The following NTRK3 variants were observed in gnomAD, a reference collection of about 807,000 sequenced individuals.
NTRK3 encodes the protein NT-3 growth factor receptor.
Under a neutral mutation model 91.7 loss-of-function variants are expected in NTRK3, and 24 were observed. That is an observed-to-expected ratio of 0.26 (90% confidence interval 0.19 to 0.37). NTRK3 has a LOEUF of 0.37. NTRK3 is among the 10% of genes least tolerant of loss of function. NTRK3 has a pLI of 1.00. For missense variants in NTRK3, 880 were observed against 1,068.9 expected, an observed-to-expected ratio of 0.82 and a Z score of 2.46; for synonymous variants, 483 against 404.0, an observed-to-expected ratio of 1.20 and a Z score of -2.34.
chr15:88,224,838 C>T (rs1334515197), intron 3 of NTRK3, among the ~76,000 whole-genome samples: 2 of 152,180 alleles, frequency 1.3e-5, no homozygotes, highest in East Asian at 3.9e-4. Flanking sequence ...CACATGGAGG[C>T]AGGCAGAGTG....
chr15:88,062,776 C>T (rs571009262), intron 13 of NTRK3, among the ~76,000 whole-genome samples: 2 of 152,332 alleles, frequency 1.3e-5, no homozygotes, highest in South Asian at 2.1e-4. Flanking sequence ...TCTGTCATTG[C>T]TTCCATTACT....
In NTRK3 at chr15:88,042,504, G is replaced by T. The variant is rs1178603259; in HGVS notation, c.1397-9459C>A. The stretch of plus-strand genomic sequence containing the variant: ...TCCTGCAGGCAGCACAGCAAGGCCT[G>T]CCCTCCGCACTTCTCCGCTCCTCTC... On this transcript the variant is annotated intron_variant, in intron 13 of 18. Coordinates refer to ENST00000394480, the Ensembl canonical transcript of NTRK3. Among the ~76,000 whole-genome samples, 8 of 152,164 alleles carry T rather than the reference G, an allele frequency of 5.3e-5. No homozygotes were observed. In the East Asian group the frequency reaches 1.5e-3, roughly 29 times the overall value.
At chr15:88,042,425 C>G (rs12594253) in intron 13 of NTRK3, among the ~76,000 whole-genome samples, 22,766 of 152,142 alleles carry the variant, frequency 0.15, 2,449 homozygotes, top group African/African-American at 0.31. Context: ...CCCTCTCTGC[C>G]TCCTCCGGCT....
intron 5 of NTRK3, among the ~76,000 whole-genome samples, chr15:88,155,418 C>A (rs1008874216): frequency 2.0e-5 from 3 of 151,942 alleles, no homozygotes; most frequent in African/African-American, 7.3e-5. Context: ...AAATGCTGAC[C>A]TCCCTACACT....
chr15:87,933,329 T>A, intron 15 of NTRK3, 145 bp from the exon 16 acceptor site: 1 of 798,774 alleles, frequency 1.3e-6, no homozygotes, highest in East Asian at 2.7e-5. Flanking sequence ...TGAAGCTCAA[T>A]CTCAACTATA....
intron 14 of NTRK3, among the ~76,000 whole-genome samples, chr15:88,016,856 A>T (rs1178116921): frequency 6.8e-6 from 1 of 146,568 alleles, no homozygotes; most frequent in African/African-American, 2.5e-5. Flanking sequence ...TTCTCTGGGG[A>T]TATTTTTTTT....
intron 13 of NTRK3, among the ~76,000 whole-genome samples, chr15:88,050,072 T>C (rs2080668689): frequency 2.0e-5 from 3 of 152,234 alleles, no homozygotes; most frequent in Non-Finnish European, 4.4e-5. Context: ...AGGCATTCAT[T>C]AAACCAACAA....
exon 19 of NTRK3, chr15:87,873,893 G>A (rs1203439568): frequency 4.3e-6 from 1 of 230,672 alleles, no homozygotes; most frequent in Non-Finnish European, 8.6e-6. Flanking sequence ...CCCAGGCCCA[G>A]TGAGCCTTCA....
chr15:87,989,521 A>G (rs534438694), intron 14 of NTRK3, among the ~76,000 whole-genome samples: 6 of 152,234 alleles, frequency 3.9e-5, no homozygotes, highest in Non-Finnish European at 7.4e-5. Context: ...GGGGAGGGGG[A>G]GGAATAGCAT....
At chr15:87,907,907 G>C (rs990440792) in intron 17 of NTRK3, among the ~76,000 whole-genome samples, 1 of 152,126 alleles carries the variant, frequency 6.6e-6, no homozygotes, top group Non-Finnish European at 1.5e-5. Context: ...TGCAAGCACT[G>C]GGGGATCTGA....
At chr15:88,150,009 T>C (rs2043227643) in intron 5 of NTRK3, among the ~76,000 whole-genome samples, 1 of 152,138 alleles carries the variant, frequency 6.6e-6, no homozygotes, top group Non-Finnish European at 1.5e-5. Flanking sequence ...AAGATGTCCG[T>C]CCCCTGCCTT....
chr15:88,075,382 T>C (rs544107112), intron 13 of NTRK3, among the ~76,000 whole-genome samples: 41 of 152,292 alleles, frequency 2.7e-4, no homozygotes, highest in African/African-American at 9.4e-4. Context: ...AAAGTTATTA[T>C]TCAGTCAGTA....
intron 14 of NTRK3, among the ~76,000 whole-genome samples, chr15:88,025,193 A>C (rs1050791004): frequency 6.6e-6 from 1 of 152,226 alleles, no homozygotes; most frequent in Non-Finnish European, 1.5e-5. Context: ...ACTTGGTATA[A>C]CCATTCACTT....
intron 14 of NTRK3, among the ~76,000 whole-genome samples, chr15:88,002,497 C>G (rs977891526): frequency 1.1e-4 from 17 of 152,076 alleles, no homozygotes; most frequent in African/African-American, 3.9e-4. Flanking sequence ...ATATATCTAA[C>G]TAACACCAAA....
chr15:88,201,364 G>A (rs1597916814), intron 3 of NTRK3, among the ~76,000 whole-genome samples: 2 of 152,174 alleles, frequency 1.3e-5, no homozygotes, highest in African/African-American at 4.8e-5. Flanking sequence ...CCACCCACGG[G>A]TCTCATGGGT....
rs182884468 is a variant in NTRK3, at chr15:87,989,695, C to T, written c.1585+43162G>A. 2.1e-3 allele frequency among the ~76,000 whole-genome samples: 315 copies of T among 149,096 alleles called. 3 individuals are homozygous for T. The highest frequency in any genetic ancestry group is 2.4e-4 in the Non-Finnish European group (16 of 67,394). ...AAATCATATAGATCTAGTGCTGACA[C>T]GAAAAAAAAAAAGAGATTCTCATGC... is the stretch of plus-strand genomic sequence containing the variant. On this transcript the variant is annotated intron_variant, in intron 14 of 18. Coordinates refer to ENST00000394480, the Ensembl canonical transcript of NTRK3.
At chr15:88,169,423 C>T (rs1423443492) in intron 5 of NTRK3, among the ~76,000 whole-genome samples, 1 of 152,098 alleles carries the variant, frequency 6.6e-6, no homozygotes, top group African/African-American at 2.4e-5. Context: ...GAGGAAGCAC[C>T]AAGATGCCCC....
exon 19 of NTRK3, chr15:87,864,299 G>A: frequency 4.3e-6 from 1 of 232,186 alleles, no homozygotes; most frequent in Non-Finnish European, 8.5e-6. Context: ...AATTGGAGGA[G>A]CCTTTACTTT....
At chr15:88,015,558 C>T (rs145873416) in intron 14 of NTRK3, among the ~76,000 whole-genome samples, 38 of 152,234 alleles carry the variant, frequency 2.5e-4, no homozygotes, top group African/African-American at 8.7e-4. Context: ...TTTAAACAAG[C>T]CACTGCTCTC....
Sources: allele counts gnomAD v4.1 joint callset (sites outside exome capture counted in the v4.1 genomes callset), GRCh38; gene constraint gnomAD v4.1.1; transcripts MANE v1.5; gene names NCBI Gene and HGNC (gene_info 2026-07-23, HGNC 2026-07-21).